The following TENM2 variants were observed in gnomAD, a reference collection of about 807,000 sequenced individuals.
The protein encoded by TENM2 is teneurin transmembrane protein 2, also known as teneurin-2.
A neutral mutation model predicts 245.2 loss-of-function variants in TENM2; 52 were observed. The observed-to-expected ratio is 0.21, with a 90% CI of 0.17 to 0.27. The LOEUF (loss-of-function observed/expected upper bound fraction) is 0.27, where lower values mean the gene tolerates loss of function less well. Ranked by LOEUF, TENM2 falls within the 10% of genes least tolerant of loss-of-function variation. The probability of loss-of-function intolerance (pLI) is 1.00; values close to 1 mark genes in which losing one functional copy is unlikely to be tolerated. For missense variants in TENM2, 3,046 were observed against 3,666.8 expected (o/e 0.83, Z 4.37); for synonymous variants, 1,363 against 1,438.9 (o/e 0.95, Z 1.19).
chr5:168,258,898 T>C (rs1361433585), intron 27 of TENM2, among the ~76,000 whole-genome samples: 1 of 151,958 alleles, frequency 6.6e-6, no homozygotes, highest in Non-Finnish European at 1.5e-5. Context: ...AGGGAAATGA[T>C]TAGGCCAGGC....
At chr5:167,034,701 T>C in the TENM2 span, among the ~76,000 whole-genome samples, 6 of 151,768 alleles carry the variant, frequency 4.0e-5, no homozygotes, top group Non-Finnish European at 7.4e-5. Flanking sequence ...ATTGTTATTA[T>C]TATTTTCCTC....
At chr5:167,132,148 T>A in the TENM2 span, among the ~76,000 whole-genome samples, 2 of 152,274 alleles carry the variant, frequency 1.3e-5, no homozygotes, top group East Asian at 3.9e-4. Flanking sequence ...TTTTTGTTTT[T>A]GTTGTTTTTG....
intron 7 of TENM2, among the ~76,000 whole-genome samples, chr5:168,063,728 A>G (rs920901732): frequency 6.6e-6 from 1 of 152,198 alleles, no homozygotes; most frequent in Non-Finnish European, 1.5e-5. Context: ...AGCCCAGTGC[A>G]CACATACCTC....
intron 2 of TENM2, among the ~76,000 whole-genome samples, chr5:167,669,475 G>T (rs948280695): frequency 6.6e-6 from 1 of 152,194 alleles, no homozygotes; most frequent in Admixed American, 6.6e-5. Context: ...GATGGAGGAA[G>T]CGTAAAGAAA....
the TENM2 span, among the ~76,000 whole-genome samples, chr5:167,265,591 G>A: frequency 1.3e-5 from 2 of 152,050 alleles, no homozygotes; most frequent in Admixed American, 6.6e-5. Flanking sequence ...CCCGAGTGCA[G>A]GATCATAACC....
intron 2 of TENM2, among the ~76,000 whole-genome samples, chr5:167,596,297 C>T (rs927354784): frequency 2.0e-5 from 3 of 152,176 alleles, no homozygotes; most frequent in Non-Finnish European, 1.5e-5. Context: ...ATACTGTCTA[C>T]GGTGCCCCAC....
chr5:167,327,170 C>A (rs1757138172), intron 1 of TENM2, among the ~76,000 whole-genome samples: 1 of 152,050 alleles, frequency 6.6e-6, no homozygotes, highest in South Asian at 2.1e-4. Context: ...TGCTATCCCT[C>A]CCCGCTCCCC....
chr5:167,564,543 G>A (rs914979787), intron 2 of TENM2, among the ~76,000 whole-genome samples: 1 of 152,082 alleles, frequency 6.6e-6, no homozygotes, highest in Non-Finnish European at 1.5e-5. Flanking sequence ...AATCAGCAGG[G>A]GATGTATCAG....
intron 2 of TENM2, among the ~76,000 whole-genome samples, chr5:167,814,435 A>AAAGT (rs1766874508): frequency 6.7e-6 from 1 of 150,222 alleles, no homozygotes; most frequent in South Asian, 2.1e-4. Context: ...GGAAAGGCAC[A>AAAGT]AAGTAGACAC....
intron 13 of TENM2, among the ~76,000 whole-genome samples, chr5:168,189,825 C>G (rs185686132): frequency 5.3e-5 from 8 of 152,134 alleles, no homozygotes; most frequent in Admixed American, 5.2e-4. Flanking sequence ...CCAGGTTGGT[C>G]TCGAATTCCT....
chr5:167,219,095 G>A, the TENM2 span, among the ~76,000 whole-genome samples: 1 of 152,104 alleles, frequency 6.6e-6, no homozygotes, highest in Non-Finnish European at 1.5e-5. Flanking sequence ...GTTAGGTGGG[G>A]CTCAACAAAT....
At chr5:167,547,470 T>C (rs915663152) in intron 2 of TENM2, among the ~76,000 whole-genome samples, 2 of 152,252 alleles carry the variant, frequency 1.3e-5, no homozygotes, top group African/African-American at 4.8e-5. Context: ...CAAATGCTTC[T>C]CAACCACACT....
chr5:167,205,659 GACA>G, the TENM2 span, among the ~76,000 whole-genome samples: 1 of 152,106 alleles, frequency 6.6e-6, no homozygotes, highest in Non-Finnish European at 1.5e-5. Flanking sequence ...TTTGCTAACA[GACA>G]ACAACGTCTA....
At chr5:167,484,940 T>A (rs1297295199) in intron 2 of TENM2, among the ~76,000 whole-genome samples, 1 of 152,230 alleles carries the variant, frequency 6.6e-6, no homozygotes, top group Non-Finnish European at 1.5e-5. Flanking sequence ...ACATGCTGAA[T>A]TACATTACAT....
At chr5:167,012,541 T>C in the TENM2 span, among the ~76,000 whole-genome samples, 3 of 152,142 alleles carry the variant, frequency 2.0e-5, no homozygotes. Context: ...TCAGAGGAAG[T>C]GGTATCTGAC....
At chr5:167,387,506 T>G (rs1761509058) in intron 2 of TENM2, among the ~76,000 whole-genome samples, 1 of 152,122 alleles carries the variant, frequency 6.6e-6, no homozygotes, top group South Asian at 2.1e-4. Flanking sequence ...TGGATACCCT[T>G]TATTTCTTTC....
chr5:167,693,491 G>A (rs1351761396), intron 2 of TENM2, among the ~76,000 whole-genome samples: 1 of 152,020 alleles, frequency 6.6e-6, no homozygotes, highest in Non-Finnish European at 1.5e-5. Flanking sequence ...GCTTGATTCG[G>A]GCTATTCAAA....
chr5:167,755,238 G>A (rs1382526611), intron 2 of TENM2: 1 of 1,434,042 alleles, frequency 7.0e-7, no homozygotes, highest in South Asian at 1.2e-5. Context: ...GCAAGCACCT[G>A]TCCTCACTGA....
chr5:168,119,229 G>A (rs1485753574), intron 10 of TENM2, among the ~76,000 whole-genome samples: 1 of 152,184 alleles, frequency 6.6e-6, no homozygotes, highest in African/African-American at 2.4e-5. Context: ...TGGCAGACAC[G>A]TAAGGGCCTT....
Sources: gnomAD v4.1 joint callset for allele counts (sites outside exome capture counted in the v4.1 genomes callset) on GRCh38, gnomAD v4.1.1 for gene constraint, MANE v1.5 for transcripts, NCBI Gene and HGNC (gene_info 2026-07-23, HGNC 2026-07-21) for gene names.